ZIM2: variants seen among roughly 807,000 people sequenced by gnomAD.
The protein encoded by ZIM2 is zinc finger protein 656.
In ZIM2, 14 loss-of-function variants were observed where a neutral mutation model predicts 38.6. The observed-to-expected ratio is 0.36, with a 90% CI of 0.24 to 0.57. The LOEUF is 0.57. ZIM2 is among the 20% of genes least tolerant of loss of function. ZIM2 has a pLI of 0.81. For synonymous variants in ZIM2, 247 were observed against 245.8 expected (o/e 1.00, Z -0.04); for missense variants, 680 against 695.1 (o/e 0.98, Z 0.24).
chr19:56,831,392 T>C (rs970161646), intron 2 of ZIM2, among the ~76,000 whole-genome samples: 1 of 152,226 alleles, frequency 6.6e-6, no homozygotes, highest in African/African-American at 2.4e-5. Flanking sequence ...AAAAAGGCCA[T>C]GACAGGACCG....
intron 5 of ZIM2, 74 bp downstream of exon 5, chr19:56,823,516 C>G: frequency 6.3e-7 from 1 of 1,580,664 alleles, no homozygotes; most frequent in Non-Finnish European, 8.7e-7. Context: ...ATGGAGGCCC[C>G]AACCCACTGT....
intron 8 of ZIM2, 72 bp downstream of exon 8, chr19:56,818,528 C>T: frequency 6.5e-7 from 1 of 1,539,658 alleles, no homozygotes; most frequent in South Asian, 1.1e-5. Context: ...TAACATCCAG[C>T]TTAAAAAGGA....
At chr19:56,804,447 G>C (rs528576249) in intron 9 of ZIM2, among the ~76,000 whole-genome samples, 4 of 152,334 alleles carry the variant, frequency 2.6e-5, no homozygotes, top group South Asian at 4.1e-4. Context: ...GCACCCACAT[G>C]CTACCTGGAG....
chr19:56,819,953 C>T (rs1236409418), intron 7 of ZIM2, among the ~76,000 whole-genome samples: 1 of 152,052 alleles, frequency 6.6e-6, no homozygotes, highest in Non-Finnish European at 1.5e-5. Flanking sequence ...TGTCCTGCCA[C>T]AAAAAAGCAG....
intron 10 of ZIM2, 30 bp from the exon 11 acceptor site, chr19:56,782,151 T>A: frequency 6.2e-7 from 1 of 1,607,598 alleles, no homozygotes; most frequent in South Asian, 1.1e-5. Context: ...AGGGACGTGA[T>A]TAGAGAGGAC....
intron 1 of ZIM2, among the ~76,000 whole-genome samples, chr19:56,839,329 C>CT (rs1478273874): frequency 6.6e-6 from 1 of 151,756 alleles, no homozygotes; most frequent in Non-Finnish European, 1.5e-5. Context: ...ACAGTCACTT[C>CT]AGCCTTGCCC....
chr19:56,800,934 CTTTTTTT>C (rs776316373), intron 9 of ZIM2, among the ~76,000 whole-genome samples: 3 of 135,996 alleles, frequency 2.2e-5, no homozygotes, highest in African/African-American at 8.1e-5. Context: ...GATGGTATTA[CTTTTTTT>C]TTTTTTTTTT....
chr19:56,796,331 C>T (rs150135193), intron 9 of ZIM2, among the ~76,000 whole-genome samples: 1,526 of 152,302 alleles, frequency 0.01, 23 homozygotes, highest in African/African-American at 0.035. Context: ...TTTGACAGTA[C>T]GCAGCACACA....
intron 8 of ZIM2, 139 bp downstream of exon 8, chr19:56,818,461 G>C: frequency 1.1e-6 from 1 of 933,184 alleles, no homozygotes; most frequent in African/African-American, 1.7e-5. Context: ...TCCCTCATTT[G>C]AAATCTTTCA....
At chr19:56,813,755 A>G in intron 9 of ZIM2, 1 of 1,614,018 alleles carries the variant, frequency 6.2e-7, no homozygotes, top group Non-Finnish European at 8.5e-7. Context: ...CATTTGAAGT[A>G]CTTCTCATCA....
At chr19:56,782,942 C>A (rs920354305) in intron 10 of ZIM2, among the ~76,000 whole-genome samples, 1 of 151,952 alleles carries the variant, frequency 6.6e-6, no homozygotes, top group Non-Finnish European at 1.5e-5. Flanking sequence ...ATTGTGCTAT[C>A]AATAGTAGGT....
At chr19:56,825,868 T>C (rs186632166) in intron 3 of ZIM2, among the ~76,000 whole-genome samples, 1 of 152,342 alleles carries the variant, frequency 6.6e-6, no homozygotes, top group Admixed American at 6.5e-5. Flanking sequence ...TCAGAGTCTC[T>C]CATTAGACAT....
chr19:56,834,384 C>T (rs944477540), intron 2 of ZIM2, among the ~76,000 whole-genome samples: 3 of 152,140 alleles, frequency 2.0e-5, no homozygotes, highest in Non-Finnish European at 4.4e-5. Context: ...TATTAAAGCT[C>T]ACCCACATCC....
At chr19:56,828,889 G>A (rs1352397801) in intron 2 of ZIM2, among the ~76,000 whole-genome samples, 3 of 152,138 alleles carry the variant, frequency 2.0e-5, no homozygotes, top group African/African-American at 7.2e-5. Context: ...ATGCTAGTGA[G>A]GGTGTAGAGA....
chr19:56,817,507 C>T (rs750037403), intron 9 of ZIM2: 4 of 1,610,676 alleles, frequency 2.5e-6, no homozygotes, highest in Middle Eastern at 1.7e-4. Context: ...CATTATCACT[C>T]CGTGGGAAGA....
intron 9 of ZIM2, chr19:56,816,363 G>A (rs1568634555): frequency 1.9e-6 from 3 of 1,614,126 alleles, no homozygotes; most frequent in Non-Finnish European, 2.5e-6. Flanking sequence ...TTTGCATGAA[G>A]GCATCCCGGC....
At chr19:56,823,913 C>G (rs548226487) in intron 4 of ZIM2, among the ~76,000 whole-genome samples, 1 of 152,252 alleles carries the variant, frequency 6.6e-6, no homozygotes, top group Non-Finnish European at 1.5e-5. Flanking sequence ...CAGACACAAA[C>G]AGCCAGAAGG....
chr19:56,774,866 C>G lies in ZIM2; in HGVS notation c.1499G>C (p.Cys500Ser), dbSNP rs1186295648. The G allele has an allele frequency of 6.2e-7, 1 of 1,614,176 alleles. No individual in the cohort carries two copies. The highest frequency in any genetic ancestry group is 1.1e-5 in the South Asian group (1 of 91,084). The change falls in exon 13 of 13, where the codon TGT becomes TCT. Residue 500 changes from cysteine to serine, a missense_variant. Cys to Ser is a moderately radical substitution (Grantham distance 112, BLOSUM62 -1). Transcript: ENST00000629319. Reference sequence around the variant, plus strand: ...CCGACTGAAGACTCTGCCACAGTCACAACACTGGCAGGCTCTCTCTCCAAC... The same window carrying G: ...CCGACTGAAGACTCTGCCACAGTCAGAACACTGGCAGGCTCTCTCTCCAAC... ...DYVGERACQCCDCGRVFSRNS... is the reference protein window; with the variant it reads ...DYVGERACQCSDCGRVFSRNS...
At chr19:56,802,524 T>C (rs1443530572) in intron 9 of ZIM2, among the ~76,000 whole-genome samples, 1 of 152,098 alleles carries the variant, frequency 6.6e-6, no homozygotes, top group East Asian at 1.9e-4. Flanking sequence ...TAGTGTAAGA[T>C]TTAAGGACAA....
Sources: gnomAD v4.1 joint callset for allele counts (sites outside exome capture counted in the v4.1 genomes callset) on GRCh38, gnomAD v4.1.1 for gene constraint, MANE v1.5 for transcripts, NCBI Gene and HGNC (gene_info 2026-07-23, HGNC 2026-07-21) for gene names.